MXD4: variants seen among roughly 807,000 people sequenced by gnomAD.
MXD4 encodes Mad4 homolog.
In MXD4, 16 loss-of-function variants were observed where a neutral mutation model predicts 24.5. That is an observed-to-expected ratio of 0.65 (90% confidence interval 0.44 to 0.99). The LOEUF is 0.99. Among genes scored for constraint, MXD4 ranks in the 50% least tolerant of loss-of-function variants. The pLI, the probability that MXD4 is intolerant of heterozygous loss-of-function variation, is 0.00. For synonymous variants in MXD4, 164 were observed against 134.2 expected, an observed-to-expected ratio of 1.22 and a Z score of -1.54; for missense variants, 301 against 301.5, an observed-to-expected ratio of 1.00 and a Z score of 0.01.
chr4:2,253,336 A>G (rs2282764), intron 3 of MXD4: 36,948 of 152,078 alleles, frequency 0.24, 5,627 homozygotes, highest in African/African-American at 0.41. Flanking sequence ...ACCCAGAGGC[A>G]TCAACTCGGC....
In MXD4 at chr4:2,250,476, G is replaced by A; in HGVS notation, c.*68C>T. On this transcript the variant is annotated 3_prime_UTR_variant, in exon 6 of 6. Coordinates refer to ENST00000337190, the MANE Select transcript of MXD4 (RefSeq NM_006454.3). ...GCCTGTGGAGAGGCTGGCGTCAACT[G>A]AAGGAGAACTGGAGGGCTGACACGC... 3 of 1,462,028 alleles carry A rather than the reference G, an allele frequency of 2.1e-6. No individual in the cohort carries two copies. In the South Asian group the frequency reaches 4.1e-5, roughly 20 times the overall value. 90.6% of individuals were successfully genotyped at this position (1,462,028 alleles called of 1,614,324 possible). A position where few individuals can be genotyped will look rare whatever the true frequency, so the allele number is the denominator to read the frequency against.
In MXD4 at chr4:2,248,721, G is replaced by C. The variant is rs1056810680; in HGVS notation, c.*1823C>G. 6.6e-6 allele frequency: 1 copy of C among 152,320 alleles called. No homozygotes were observed. The highest frequency in any genetic ancestry group is 1.5e-5 in the Non-Finnish European group (1 of 68,122). 9.4% of individuals were successfully genotyped at this position (152,320 alleles called of 1,614,324 possible). On this transcript the variant is annotated 3_prime_UTR_variant, in exon 6 of 6. Coordinates refer to ENST00000337190, the MANE Select transcript of MXD4 (RefSeq NM_006454.3). The stretch of plus-strand genomic sequence containing the variant: ...GTTCTGTGCCAGAGTTGTTTCCAGG[G>C]ACCCCCTTCCGCCACAGTGGGCCCC...
In MXD4 at chr4:2,261,932, C is replaced by T; in HGVS notation, c.49G>A (p.Glu17Lys). The change falls in exon 1 of 6, where the codon GAG (glutamate) becomes AAG (lysine). Residue 17 changes from glutamate to lysine, a missense_variant. By Grantham distance (56) the Glu-to-Lys change is moderately conservative. Transcript: ENST00000337190. ...LILLEAAEYL[E>K]RRDREAEHGY... ...CGAGCGCTACCTCGATCCCTGCGCT[C>T]CAGGTACTCGGCCGCCTCCAGCAGG... 2 of 1,463,008 alleles carry T rather than the reference C, an allele frequency of 1.4e-6. No individual in the cohort carries two copies. Among genetic ancestry groups the T allele is most frequent in the Non-Finnish European group, 1.8e-6 (2 of 1,105,844 alleles). The allele number at this position is 1,463,008 out of a possible 1,614,324, so 90.6% of individuals were successfully genotyped here. A position where few individuals can be genotyped will look rare whatever the true frequency, so the allele number is the denominator to read the frequency against.
chr4:2,257,847 T>C, intron 3 of MXD4, 135 bp downstream of exon 3: 2 of 1,186,000 alleles, frequency 1.7e-6, no homozygotes, highest in South Asian at 1.4e-5. Context: ...AGTCTGACCA[T>C]TCCCAAGACA....
intron 2 of MXD4, among the ~76,000 whole-genome samples, chr4:2,261,385 G>A (rs1735540840): frequency 6.6e-6 from 1 of 152,198 alleles, no homozygotes; most frequent in Non-Finnish European, 1.5e-5. Flanking sequence ...ACCGGCCAGC[G>A]CCCGCTGACA....
At position 2,247,603 on chromosome 4, in the gene MXD4, A is replaced by C. The variant is rs1028807042; in HGVS notation, c.*2941T>G. On this transcript the variant is annotated 3_prime_UTR_variant, in exon 6 of 6. Transcript: ENST00000337190. ...CACGGAACCTGCCCTAGTGCCCAAC[A>C]TGGACCTGGGGCCACCCTGCTGGCC... 1.3e-5 allele frequency: 2 copies of C among 152,048 alleles called. No homozygotes were observed. The highest frequency in any genetic ancestry group is 4.8e-5 in the African/African-American group (2 of 41,398). 9.4% of individuals were successfully genotyped at this position (152,048 alleles called of 1,614,324 possible).
chr4:2,259,662 C>A (rs1156730425), intron 2 of MXD4, among the ~76,000 whole-genome samples: 3 of 152,162 alleles, frequency 2.0e-5, no homozygotes, highest in Non-Finnish European at 2.9e-5. Flanking sequence ...CTCCAGCAGC[C>A]AGGGCCCCTC....
rs1735553661 is a variant in MXD4, at chr4:2,261,802, C to T, written c.87G>A (p.Ser29=). 1 of 1,417,806 alleles carries T rather than the reference C, an allele frequency of 7.1e-7. No individual in the cohort carries two copies. Among genetic ancestry groups the T allele is most frequent in the Non-Finnish European group, 9.3e-7 (1 of 1,077,780 alleles). 87.8% of individuals were successfully genotyped at this position (1,417,806 alleles called of 1,614,324 possible). The change falls in exon 2 of 6, where the codon TCG becomes TCA. Residue 29 remains serine, a synonymous_variant. Coordinates refer to ENST00000337190, the MANE Select transcript of MXD4 (RefSeq NM_006454.3). The part of the protein sequence containing the change: ...RDREAEHGYA[S]VLPFDGDFAR... ...CGAAGTCGCCGTCGAAGGGCAGCACCGAGGCGTAGCCGTGCTCGGCCTCTG... is the reference window on the plus strand; with the variant it reads ...CGAAGTCGCCGTCGAAGGGCAGCACTGAGGCGTAGCCGTGCTCGGCCTCTG...
In MXD4 at chr4:2,251,101, G is replaced by GT; in HGVS notation, c.454dup (p.Thr152AsnfsTer19). ...CGCCCCACCTTGCTCTGAGTCGTCCGTGGAGACAGCAGAGCCCGTGCTATC... is the reference window on the plus strand; with the variant it reads ...CGCCCCACCTTGCTCTGAGTCGTCCGTTGGAGACAGCAGAGCCCGTGCTATC... On this transcript the variant is annotated frameshift_variant, in exon 5 of 6. Transcript: ENST00000337190. LOFTEE classifies it high-confidence loss of function. 6.3e-7 allele frequency: 1 copy of GT among 1,581,472 alleles called. No individual in the cohort carries two copies. The highest frequency in any genetic ancestry group is 8.6e-7 in the Non-Finnish European group (1 of 1,159,284).
rs374721019 is a variant in MXD4, at chr4:2,250,547, C to A, written c.627G>T (p.Ser209=). The A allele has an allele frequency of 6.3e-7, 1 of 1,582,172 alleles. No individual in the cohort carries two copies. The highest frequency in any genetic ancestry group is 8.6e-7 in the Non-Finnish European group (1 of 1,164,894). ...CCAAGGAGCAGAGGGCACGGGCCTA[C>A]GAGAGGGCGGGGCGGCCCAGCCGCC... ...HCRRLGRPAL[S] is the part of the protein sequence containing the mutation. The change falls in exon 6 of 6, where the codon TCG becomes TCT. Residue 209 remains serine (S), a synonymous_variant. Transcript: ENST00000337190.
At chr4:2,253,335 C>T (rs973081375) in intron 3 of MXD4, 1 of 152,206 alleles carries the variant, frequency 6.6e-6, no homozygotes, top group African/African-American at 2.4e-5. Context: ...CACCCAGAGG[C>T]ATCAACTCGG....
At chr4:2,256,249 C>T (rs1475369533) in intron 3 of MXD4, among the ~76,000 whole-genome samples, 1 of 152,212 alleles carries the variant, frequency 6.6e-6, no homozygotes, top group Non-Finnish European at 1.5e-5. Context: ...CTCCACGGTC[C>T]CCAGGACCCT....
In MXD4 at chr4:2,262,058, C is replaced by T. The variant is rs186372355; in HGVS notation, c.-78G>A. The stretch of plus-strand genomic sequence containing the variant: ...GCTCCGGCCGGCTCCGCTCGCCGCC[C>T]ACCCCGCGCGCCCGGCCGCCGCACT... On this transcript the variant is annotated 5_prime_UTR_variant, in exon 1 of 6. Coordinates refer to ENST00000337190, the MANE Select transcript of MXD4 (RefSeq NM_006454.3). 0.011 allele frequency: 8,990 copies of T among 823,384 alleles called. 650 individuals carry two copies. The African/African-American group carries it at 0.15, about 14-fold the overall frequency. The allele number at this position is 823,384 out of a possible 1,614,324, so 51.0% of individuals were successfully genotyped here. A position where few individuals can be genotyped will look rare whatever the true frequency, so the allele number is the denominator to read the frequency against.
intron 3 of MXD4, chr4:2,255,443 C>A (rs1163313516): frequency 2.2e-6 from 1 of 454,918 alleles, no homozygotes; most frequent in Non-Finnish European, 4.4e-6. Context: ...AGTGTGGGCG[C>A]CAGGGCTGGA....
Position 2,250,390 on chromosome 4 carries a change from C to G in MXD4, c.*154G>C. On this transcript the variant is annotated 3_prime_UTR_variant, in exon 6 of 6. Transcript: ENST00000337190. The stretch of plus-strand genomic sequence containing the variant: ...AGGCAGCTCGGCAGGCCCTGACCGG[C>G]AAGCGGGCAGTGCCAGGCAGCCCAG... 1.9e-6 allele frequency: 2 copies of G among 1,060,594 alleles called. No homozygotes were observed. The highest frequency in any genetic ancestry group is 2.6e-6 in the Non-Finnish European group (2 of 760,830). 65.7% of individuals were successfully genotyped at this position (1,060,594 alleles called of 1,614,324 possible).
intron 2 of MXD4, 137 bp from the exon 3 acceptor site, chr4:2,258,148 G>A (rs915223089): frequency 2.9e-6 from 3 of 1,035,722 alleles, no homozygotes; most frequent in Non-Finnish European, 4.2e-6. Flanking sequence ...CCAGAGCAGT[G>A]AGGCCTGGGG....
chr4:2,256,291 C>T (rs1325455480), intron 3 of MXD4, among the ~76,000 whole-genome samples: 3 of 152,216 alleles, frequency 2.0e-5, no homozygotes, highest in Non-Finnish European at 4.4e-5. Context: ...CCTGCTGGAG[C>T]TGCCTCTCTA....
intron 3 of MXD4, chr4:2,252,849 T>G: frequency 3.5e-6 from 1 of 283,082 alleles, no homozygotes; most frequent in Non-Finnish European, 6.9e-6. Context: ...GGAGTCCACA[T>G]GCAGGGAGGG....
rs1003866719 is a variant in MXD4, at chr4:2,255,654, C to T, written c.194+2328G>A. On this transcript the variant is annotated intron_variant, in intron 3 of 5. Coordinates refer to ENST00000337190, the MANE Select transcript of MXD4 (RefSeq NM_006454.3). The stretch of plus-strand genomic sequence containing the variant: ...TGGGCCCCCTGCCAGCACCCCACGG[C>T]TGTCCCTGGGCATCCAAAGGGCTTT... 1.4e-4 allele frequency among the ~76,000 whole-genome samples: 22 copies of T among 152,224 alleles called. 1 individual carries two copies. The highest frequency in any genetic ancestry group is 4.6e-4 in the African/African-American group (19 of 41,454).
Sources: allele counts gnomAD v4.1 joint callset (sites outside exome capture counted in the v4.1 genomes callset), GRCh38; gene constraint gnomAD v4.1.1; transcripts MANE v1.5; gene names NCBI Gene and HGNC (gene_info 2026-07-23, HGNC 2026-07-21).